KAT2B: variants seen among roughly 807,000 people sequenced by gnomAD.
KAT2B encodes the protein lysine acetyltransferase 2B.
In KAT2B, 36 loss-of-function variants were observed where a neutral mutation model predicts 105.9. The observed-to-expected ratio is 0.34, with a 90% confidence interval of 0.26 to 0.45. KAT2B has a LOEUF of 0.45. Among genes scored for constraint, KAT2B ranks in the 20% least tolerant of loss-of-function variants. KAT2B has a pLI of 1.00. For synonymous variants in KAT2B, 397 were observed against 377.9 expected (o/e 1.05, Z -0.59); for missense variants, 820 against 1,021.6 (o/e 0.80, Z 2.69).
At position 20,154,271 on chromosome 3, in the gene KAT2B, T is replaced by C. The variant is rs1301723707; in HGVS notation, c.*1746T>C. 2.6e-5 allele frequency: 4 copies of C among 152,746 alleles called. No individual in the cohort carries two copies. The highest frequency in any genetic ancestry group is 3.4e-3 in the Middle Eastern group (1 of 294). 9.5% of individuals were successfully genotyped at this position (152,746 alleles called of 1,614,324 possible). On this transcript the variant is annotated 3_prime_UTR_variant, in exon 18 of 18. Transcript: ENST00000263754. Reference sequence around the variant, plus strand: ...AAAAATTAATATTTTCTTATAGATATTGTGCAATAAAGCTGAAGTAGAATG... The same window carrying C: ...AAAAATTAATATTTTCTTATAGATACTGTGCAATAAAGCTGAAGTAGAATG...
At position 20,111,771 on chromosome 3, in the gene KAT2B, C is replaced by G; in HGVS notation, c.1027C>G (p.Leu343Val). 2 of 1,612,878 alleles carry G rather than the reference C, an allele frequency of 1.2e-6. No homozygotes were observed. Among genetic ancestry groups the G allele is most frequent in the Non-Finnish European group, 1.7e-6 (2 of 1,179,526 alleles). ...GCCTCTTGAAAAACGAACTCTAATC[C>G]TCACTCATTTCCCAAAGTAAGGGAG... Reference protein sequence around the residue: ...KLPLEKRTLILTHFPKFLSML... With the variant: ...KLPLEKRTLIVTHFPKFLSML... Residue 343 changes from leucine to valine, a missense_variant, in exon 6 of 18, where the codon CTC (leucine) becomes GTC (valine). Physicochemically the swap from Leu to Val is conservative, Grantham distance 32. Transcript: ENST00000263754.
chr3:20,071,052 A>G (rs1290486803), intron 1 of KAT2B, among the ~76,000 whole-genome samples: 1 of 152,152 alleles, frequency 6.6e-6, no homozygotes, highest in Non-Finnish European at 1.5e-5. Context: ...GTATTACAAA[A>G]GTAAAAATAA....
intron 2 of KAT2B, among the ~76,000 whole-genome samples, chr3:20,073,975 C>T (rs1427388986): frequency 6.6e-6 from 1 of 152,188 alleles, no homozygotes; most frequent in Admixed American, 6.5e-5. Context: ...CACATGAATG[C>T]CTGAAGGCAG....
At chr3:20,065,394 A>G (rs1698206391) in intron 1 of KAT2B, among the ~76,000 whole-genome samples, 1 of 152,196 alleles carries the variant, frequency 6.6e-6, no homozygotes, top group Admixed American at 6.6e-5. Flanking sequence ...GTCATGCCTA[A>G]TTAAGGAGAG....
At chr3:20,105,214 C>A (rs1575136182) in intron 5 of KAT2B, among the ~76,000 whole-genome samples, 1 of 152,220 alleles carries the variant, frequency 6.6e-6, no homozygotes, top group African/African-American at 2.4e-5. Context: ...TGTATGTTAA[C>A]TGTACCTTAT....
chr3:20,117,781 T>G (rs1410988023), intron 7 of KAT2B, among the ~76,000 whole-genome samples: 1 of 152,204 alleles, frequency 6.6e-6, no homozygotes, highest in African/African-American at 2.4e-5. Flanking sequence ...TTATTGAGAA[T>G]GTCTGTACCC....
intron 1 of KAT2B, among the ~76,000 whole-genome samples, chr3:20,058,779 A>G (rs544841886): frequency 6.6e-6 from 1 of 152,300 alleles, no homozygotes; most frequent in East Asian, 1.9e-4. Context: ...AGGATTACTG[A>G]ACCATTTAAT....
chr3:20,118,589 G>A (rs1037858903), intron 7 of KAT2B, among the ~76,000 whole-genome samples: 4 of 150,148 alleles, frequency 2.7e-5, no homozygotes, highest in Non-Finnish European at 5.9e-5. Flanking sequence ...TGGGAGTTGT[G>A]GCAGGCACCT....
At position 20,101,306 on chromosome 3, in the gene KAT2B, A is replaced by G; in HGVS notation, c.689A>G (p.Gln230Arg). Residue 230 changes from glutamine (Q) to arginine (R), a missense_variant, in exon 5 of 18, where the codon CAG becomes CGG. Gln to Arg is a conservative substitution (Grantham distance 43). Transcript: ENST00000263754. Reference protein sequence around the residue: ...SIEQGVNNFVQYKFSHLPAKE... With the variant: ...SIEQGVNNFVRYKFSHLPAKE... Reference sequence around the variant, plus strand: ...TTTAAGGGTGTGAATAACTTTGTGCAGTACAAATTTAGTCACCTGCCAGCA... The same window carrying G: ...TTTAAGGGTGTGAATAACTTTGTGCGGTACAAATTTAGTCACCTGCCAGCA... The G allele has an allele frequency of 6.2e-7, 1 of 1,614,016 alleles. No homozygotes were observed. The highest frequency in any genetic ancestry group is 8.5e-7 in the Non-Finnish European group (1 of 1,179,938).
chr3:20,119,592 G>T lies in KAT2B; in HGVS notation c.1151-6G>T, dbSNP rs2125172452. Reference sequence around the variant, plus strand: ...CTAACACCTTCTTCTCCTTTTGCCGGGGCAGTTATCAATCCACCTCCTGTG... The same window carrying T: ...CTAACACCTTCTTCTCCTTTTGCCGTGGCAGTTATCAATCCACCTCCTGTG... On this transcript the variant is annotated splice_region_variant and splice_polypyrimidine_tract_variant and intron_variant, in intron 7 of 17. Transcript: ENST00000263754. 1 of 1,613,808 alleles carries T rather than the reference G, an allele frequency of 6.2e-7. No homozygotes were observed. The highest frequency in any genetic ancestry group is 1.1e-5 in the South Asian group (1 of 91,054).
intron 1 of KAT2B, among the ~76,000 whole-genome samples, chr3:20,050,726 C>T (rs1196355688): frequency 1.4e-5 from 2 of 143,812 alleles, no homozygotes; most frequent in Admixed American, 7.1e-5. Context: ...TTTTTTGAGA[C>T]GGAGTCTCGC....
chr3:20,114,722 A>G (rs746377893), intron 6 of KAT2B, among the ~76,000 whole-genome samples, 160 bp from the exon 7 acceptor site: 2 of 152,216 alleles, frequency 1.3e-5, no homozygotes, highest in Non-Finnish European at 2.9e-5. Flanking sequence ...TGAATATACC[A>G]GGGCTGCCCA....
intron 1 of KAT2B, among the ~76,000 whole-genome samples, chr3:20,061,229 G>C (rs1039342208): frequency 6.6e-6 from 1 of 152,088 alleles, no homozygotes; most frequent in African/African-American, 2.4e-5. Flanking sequence ...GAATCATACA[G>C]TATTTGTCAT....
intron 2 of KAT2B, among the ~76,000 whole-genome samples, chr3:20,089,105 A>G (rs1698670043): frequency 6.6e-6 from 1 of 152,090 alleles, no homozygotes; most frequent in Admixed American, 6.6e-5. Context: ...TTATGTTGGT[A>G]GCATTTTGTT....
chr3:20,095,076 TC>T (rs1484807452), intron 2 of KAT2B, among the ~76,000 whole-genome samples, 186 bp from the exon 3 acceptor site: 11 of 152,318 alleles, frequency 7.2e-5, no homozygotes, highest in Admixed American at 2.0e-4. Context: ...AACATGGTAG[TC>T]TCTTAATTAT....
At chr3:20,077,553 A>G (rs936568162) in intron 2 of KAT2B, among the ~76,000 whole-genome samples, 1 of 152,230 alleles carries the variant, frequency 6.6e-6, no homozygotes, top group Non-Finnish European at 1.5e-5. Flanking sequence ...TTTTGAAGAC[A>G]TCATAAGCAA....
At chr3:20,097,355 T>A (rs1330816745) in intron 3 of KAT2B, among the ~76,000 whole-genome samples, 2 of 152,150 alleles carry the variant, frequency 1.3e-5, no homozygotes, top group Non-Finnish European at 2.9e-5. Context: ...TCTTCCCTCC[T>A]TCATCTTAAA....
intron 8 of KAT2B, among the ~76,000 whole-genome samples, chr3:20,122,453 T>C (rs1438642431): frequency 6.6e-6 from 1 of 152,146 alleles, no homozygotes; most frequent in Non-Finnish European, 1.5e-5. Flanking sequence ...AAAATCATCA[T>C]AGAAAGTAGA....
rs1373674740 is a variant in KAT2B, at chr3:20,137,065, C to G, written c.1860+13C>G. The G allele has an allele frequency of 8.2e-7, 1 of 1,217,254 alleles. No individual in the cohort carries two copies. Among genetic ancestry groups the G allele is most frequent in the Admixed American group, 1.7e-5 (1 of 59,186 alleles). 75.4% of individuals were successfully genotyped at this position (1,217,254 alleles called of 1,614,324 possible). A position where few individuals can be genotyped will look rare whatever the true frequency, so the allele number is the denominator to read the frequency against. On this transcript the variant is annotated intron_variant, in intron 12 of 17. Transcript: ENST00000263754. ...CTTTAAGAAACAGGTTGGTTTCTCA[C>G]CACGCAACACTGTTTTGTCACTCCT...
Sources: gnomAD v4.1 joint callset for allele counts (sites outside exome capture counted in the v4.1 genomes callset) on GRCh38, gnomAD v4.1.1 for gene constraint, MANE v1.5 for transcripts, NCBI Gene and HGNC (gene_info 2026-07-23, HGNC 2026-07-21) for gene names.